The following MTUS2 variants were observed in gnomAD, a reference collection of about 807,000 sequenced individuals.
The protein encoded by MTUS2 is microtubule associated scaffold protein 2.
Under a neutral mutation model 114.1 loss-of-function variants are expected in MTUS2, and 40 were observed. That is an observed-to-expected ratio of 0.35 (90% confidence interval 0.27 to 0.46). MTUS2 has a LOEUF of 0.46. Among genes scored for constraint, MTUS2 ranks in the 20% least tolerant of loss-of-function variants. The probability of loss-of-function intolerance (pLI) is 1.00; values close to 1 mark genes in which losing one functional copy is unlikely to be tolerated. For missense variants in MTUS2, 1,679 were observed against 1,705.4 expected (o/e 0.98, Z 0.27); for synonymous variants, 688 against 672.0 (o/e 1.02, Z -0.37).
At chr13:29,074,113 T>C (rs2479778) in intron 4 of MTUS2, among the ~76,000 whole-genome samples, 87,360 of 151,984 alleles carry the variant, frequency 0.57, 25,407 homozygotes, top group Non-Finnish European at 0.61. Context: ...TCATACCCAG[T>C]TCTCCCTCCT....
chr13:29,079,380 ATAG>A (rs2138722449), intron 4 of MTUS2, among the ~76,000 whole-genome samples: 1 of 151,972 alleles, frequency 6.6e-6, no homozygotes, highest in Non-Finnish European at 1.5e-5. Flanking sequence ...CTCTTTTTTG[ATAG>A]TGTCCTTTGA....
At chr13:29,417,305 G>A (rs1368217178) in intron 8 of MTUS2, among the ~76,000 whole-genome samples, 4 of 152,178 alleles carry the variant, frequency 2.6e-5, no homozygotes, top group Admixed American at 2.6e-4. Flanking sequence ...TCTTCCCCAT[G>A]ACCCATACAC....
At chr13:29,219,521 AG>A (rs1163920209) in intron 5 of MTUS2, among the ~76,000 whole-genome samples, 3 of 152,126 alleles carry the variant, frequency 2.0e-5, no homozygotes, top group Admixed American at 2.0e-4. Context: ...TGGTATTTCT[AG>A]TTCTAGATCC....
chr13:28,841,131 T>C (rs7997742), intron 2 of MTUS2, among the ~76,000 whole-genome samples: 74,628 of 152,122 alleles, frequency 0.49, 19,015 homozygotes, highest in Non-Finnish European at 0.54. Flanking sequence ...GTATTCATAA[T>C]GGATGGTTCT....
chr13:28,974,709 A>G (rs545064125), intron 2 of MTUS2, among the ~76,000 whole-genome samples: 1 of 152,338 alleles, frequency 6.6e-6, no homozygotes, highest in South Asian at 2.1e-4. Context: ...GTTAAAAAAC[A>G]TACTTGCTGT....
At chr13:28,973,703 G>A (rs1295057977) in intron 2 of MTUS2, among the ~76,000 whole-genome samples, 2 of 152,206 alleles carry the variant, frequency 1.3e-5, no homozygotes, top group Non-Finnish European at 1.5e-5. Context: ...CCATTTATTT[G>A]AAGGTTTACA....
chr13:29,252,198 G>T (rs922927863), intron 5 of MTUS2, among the ~76,000 whole-genome samples: 2 of 151,846 alleles, frequency 1.3e-5, no homozygotes, highest in Non-Finnish European at 2.9e-5. Context: ...TAATATAATC[G>T]TATCTTAATA....
intron 5 of MTUS2, among the ~76,000 whole-genome samples, chr13:29,219,263 A>G (rs1242299919): frequency 2.7e-5 from 4 of 148,800 alleles, no homozygotes; most frequent in East Asian, 2.0e-4. Flanking sequence ...GAGAATGATG[A>G]TTTCCAATTT....
chr13:29,052,046 G>C (rs981522509), intron 4 of MTUS2, among the ~76,000 whole-genome samples: 1 of 152,170 alleles, frequency 6.6e-6, no homozygotes, highest in Non-Finnish European at 1.5e-5. Flanking sequence ...ACACAGCACT[G>C]TCAGCTGTCC....
chr13:29,488,847 G>T (rs1019406491), intron 11 of MTUS2, among the ~76,000 whole-genome samples: 3 of 152,192 alleles, frequency 2.0e-5, no homozygotes, highest in Non-Finnish European at 4.4e-5. Flanking sequence ...GGTCATAACA[G>T]CATCATTACT....
At chr13:29,363,640 G>A (rs9508413) in intron 8 of MTUS2, among the ~76,000 whole-genome samples, 1 of 151,786 alleles carries the variant, frequency 6.6e-6, no homozygotes, top group Admixed American at 6.6e-5. Context: ...TGCCATATTT[G>A]CTTTATCTGT....
intron 5 of MTUS2, among the ~76,000 whole-genome samples, chr13:29,178,981 C>T (rs542353346): frequency 6.6e-6 from 1 of 152,258 alleles, no homozygotes; most frequent in South Asian, 2.1e-4. Context: ...TGTGAACTCT[C>T]CAAGTAGAAG....
At chr13:29,035,809 C>T (rs751056190) in intron 4 of MTUS2, among the ~76,000 whole-genome samples, 1 of 151,548 alleles carries the variant, frequency 6.6e-6, no homozygotes, top group Non-Finnish European at 1.5e-5. Context: ...AAGAGAAATA[C>T]CTGGAATAAA....
chr13:29,109,360 A>T (rs1032761869), intron 5 of MTUS2, among the ~76,000 whole-genome samples: 1 of 152,166 alleles, frequency 6.6e-6, no homozygotes, highest in African/African-American at 2.4e-5. Context: ...TGCAAATTTC[A>T]AGTATACAAT....
At chr13:29,105,987 G>A (rs192977405) in intron 5 of MTUS2, among the ~76,000 whole-genome samples, 2 of 152,190 alleles carry the variant, frequency 1.3e-5, no homozygotes, top group East Asian at 1.9e-4. Flanking sequence ...TCATCGTGGC[G>A]CTGTTTGTCT....
intron 7 of MTUS2, among the ~76,000 whole-genome samples, chr13:29,333,921 G>T (rs1769718294): frequency 6.6e-6 from 1 of 152,174 alleles, no homozygotes; most frequent in Non-Finnish European, 1.5e-5. Flanking sequence ...TTGTTGCATT[G>T]ATCCCGTTAC....
intron 9 of MTUS2, among the ~76,000 whole-genome samples, chr13:29,456,447 A>C (rs1879115879): frequency 6.6e-6 from 1 of 152,254 alleles, no homozygotes; most frequent in Non-Finnish European, 1.5e-5. Context: ...ACTTGAAGAA[A>C]TAATGGGCAG....
chr13:29,445,452 A>G (rs1040075734), intron 9 of MTUS2, among the ~76,000 whole-genome samples: 1 of 152,222 alleles, frequency 6.6e-6, no homozygotes, highest in African/African-American at 2.4e-5. Context: ...AGAGGTTGCC[A>G]TAACTGCCTC....
rs2139003953 is a variant in MTUS2 at position 29,496,861 on chromosome 13, T to C, written c.3580-377T>C. Among the ~76,000 whole-genome samples, 1 of 152,220 alleles carries C rather than the reference T, an allele frequency of 6.6e-6. No individual in the cohort carries two copies. The highest frequency in any genetic ancestry group is 1.9e-4 in the East Asian group (1 of 5,168). The stretch of plus-strand genomic sequence containing the variant: ...AGCTTCCTAAATGAGAATACATCTT[T>C]GAAATACATTCATCGCGGTCCTTCC... On this transcript the variant is annotated intron_variant, in intron 12 of 15. Transcript: ENST00000612955. The surrounding 1 kb of genome is among the most constrained non-coding windows in gnomAD (Gnocchi z 4.3).
Sources: allele counts gnomAD v4.1 joint callset (sites outside exome capture counted in the v4.1 genomes callset), GRCh38; gene constraint gnomAD v4.1.1; non-coding constraint Gnocchi (gnomAD v3.1); transcripts MANE v1.5; gene names NCBI Gene and HGNC (gene_info 2026-07-23, HGNC 2026-07-21).